The following PROM1 variants were observed in gnomAD, a reference collection of about 807,000 sequenced individuals.
PROM1 encodes prominin 1.
Under a neutral mutation model 116.9 loss-of-function variants are expected in PROM1, and 105 were observed. The observed-to-expected ratio is 0.90, with a 90% CI of 0.77 to 1.06. The LOEUF is 1.06. Ranked by LOEUF, PROM1 falls within the 50% of genes least tolerant of loss-of-function variation. The probability of loss-of-function intolerance (pLI) is 0.00; values close to 1 mark genes in which losing one functional copy is unlikely to be tolerated. For missense variants in PROM1, 1,122 were observed against 1,045.2 expected, an observed-to-expected ratio of 1.07 and a Z score of -1.01; for synonymous variants, 393 against 387.0, an observed-to-expected ratio of 1.02 and a Z score of -0.18.
intron 14 of PROM1, among the ~76,000 whole-genome samples, chr4:15,999,344 A>T (rs1006687770): frequency 6.6e-6 from 1 of 151,810 alleles, no homozygotes; most frequent in Non-Finnish European, 1.5e-5. Flanking sequence ...GGTGGCGGGC[A>T]CCTGTAGTTC....
rs148987914 is a variant in PROM1, at chr4:16,037,038, C to T, written c.277-1277G>A. Among the ~76,000 whole-genome samples the T allele has an allele frequency of 1.9e-3, 283 of 152,194 alleles. 2 individuals are homozygous for T. In the South Asian group the frequency reaches 0.019, roughly 10 times the overall value. ...GGTTATGGGAGTGCCAAATCTAATA[C>T]CAAGTCAAGCACAAAGACCCTGCCA... On this transcript the variant is annotated intron_variant, in intron 3 of 27. Transcript: ENST00000447510.
At chr4:15,990,819 C>A (rs1400251515) in intron 18 of PROM1, among the ~76,000 whole-genome samples, 1 of 152,234 alleles carries the variant, frequency 6.6e-6, no homozygotes, top group Non-Finnish European at 1.5e-5. Context: ...CATTTTCTAG[C>A]TATTTCTGAA....
intron 13 of PROM1, chr4:16,003,436 C>T (rs1016068899): frequency 1.3e-5 from 6 of 456,340 alleles, no homozygotes; most frequent in African/African-American, 1.2e-4. Context: ...AACTGCTTTC[C>T]ATAACCTCAG....
intron 2 of PROM1, among the ~76,000 whole-genome samples, chr4:16,053,786 G>A (rs1219021528): frequency 6.6e-6 from 1 of 152,200 alleles, no homozygotes; most frequent in Non-Finnish European, 1.5e-5. Flanking sequence ...AGTAGGTGTG[G>A]AATTTTTCAT....
rs1469107265 is a variant in PROM1 at position 16,012,136 on chromosome 4, A to G, written c.1141+1139T>C. On this transcript the variant is annotated intron_variant, in intron 11 of 27. Coordinates refer to ENST00000447510, the MANE Select transcript of PROM1 (RefSeq NM_006017.3). Reference sequence around the variant, plus strand: ...CTCAGCCTCCCGAGTAGCTGGGGTTACAGGGATGCACAACCATGCCTGGCT... The same window carrying G: ...CTCAGCCTCCCGAGTAGCTGGGGTTGCAGGGATGCACAACCATGCCTGGCT... Among the ~76,000 whole-genome samples, 3 of 152,096 alleles carry G rather than the reference A, an allele frequency of 2.0e-5. No individual in the cohort carries two copies. The East Asian group carries it at 5.8e-4, about 29-fold the overall frequency.
At chr4:16,062,155 T>A (rs564156487) in intron 2 of PROM1, among the ~76,000 whole-genome samples, 14 of 152,030 alleles carry the variant, frequency 9.2e-5, no homozygotes, top group Non-Finnish European at 1.5e-4. Context: ...CACCCCAAAG[T>A]GCTGGGATTA....
intron 4 of PROM1, among the ~76,000 whole-genome samples, chr4:16,034,773 T>C (rs1733595945): frequency 6.6e-6 from 1 of 152,220 alleles, no homozygotes; most frequent in African/African-American, 2.4e-5. Context: ...AACACGAGTC[T>C]TGTTCCTGGG....
chr4:16,047,581 A>T (rs953481087), intron 2 of PROM1, among the ~76,000 whole-genome samples: 9 of 152,170 alleles, frequency 5.9e-5, no homozygotes, highest in African/African-American at 2.2e-4. Context: ...GTTTTGTTAC[A>T]ATTAGTTTCG....
intron 2 of PROM1, among the ~76,000 whole-genome samples, chr4:16,044,144 A>G (rs576586818): frequency 8.2e-4 from 125 of 152,348 alleles, no homozygotes; most frequent in Non-Finnish European, 1.4e-3. Flanking sequence ...TGCCTTGTGC[A>G]GGACCCATAT....
At chr4:15,971,447 T>C (rs1714529194) in intron 26 of PROM1, 1 of 182,770 alleles carries the variant, frequency 5.5e-6, no homozygotes. Flanking sequence ...AAAGTCCACT[T>C]CTAGGACAGA....
chr4:15,997,208 T>C (rs1029780513), intron 15 of PROM1, among the ~76,000 whole-genome samples: 2 of 150,318 alleles, frequency 1.3e-5, no homozygotes, highest in Non-Finnish European at 2.9e-5. Flanking sequence ...AAGAAATGCA[T>C]TTCAATGAAA....
At chr4:16,009,986 C>T (rs566363997) in intron 11 of PROM1, among the ~76,000 whole-genome samples, 5 of 150,054 alleles carry the variant, frequency 3.3e-5, no homozygotes, top group Admixed American at 1.3e-4. Context: ...ATTCTCAAGG[C>T]CCATTTAAAA....
At chr4:16,065,728 T>C (rs1359952546) in intron 2 of PROM1, among the ~76,000 whole-genome samples, 1 of 152,210 alleles carries the variant, frequency 6.6e-6, no homozygotes, top group Non-Finnish European at 1.5e-5. Flanking sequence ...GGTGCATTGC[T>C]TAATATCTCT....
intron 2 of PROM1, among the ~76,000 whole-genome samples, chr4:16,066,507 T>C (rs1741568267): frequency 6.6e-6 from 1 of 152,186 alleles, no homozygotes; most frequent in South Asian, 2.1e-4. Context: ...AGAGTTGGGA[T>C]TCAAATCTAG....
At chr4:16,039,065 G>A in intron 2 of PROM1, 64 bp from the exon 3 acceptor site, 1 of 1,319,240 alleles carries the variant, frequency 7.6e-7, no homozygotes, top group Non-Finnish European at 1.0e-6. Context: ...TGCATATTTA[G>A]AAAAAGATCT....
chr4:15,992,608 A>T (rs1186333064), intron 16 of PROM1, among the ~76,000 whole-genome samples: 3 of 152,170 alleles, frequency 2.0e-5, no homozygotes, highest in African/African-American at 7.2e-5. Context: ...AATTTTAAAC[A>T]TAAATTTAAA....
intron 10 of PROM1, among the ~76,000 whole-genome samples, chr4:16,015,542 C>T (rs1728147795): frequency 6.6e-6 from 1 of 150,896 alleles, no homozygotes; most frequent in Non-Finnish European, 1.5e-5. Context: ...ATACAAAACT[C>T]AGCCAGGCAT....
At chr4:16,054,506 A>T (rs1304299320) in intron 2 of PROM1, among the ~76,000 whole-genome samples, 1 of 152,190 alleles carries the variant, frequency 6.6e-6, no homozygotes, top group Non-Finnish European at 1.5e-5. Flanking sequence ...ATATATGGTC[A>T]CCATAAATCA....
intron 10 of PROM1, among the ~76,000 whole-genome samples, chr4:16,014,710 C>A (rs1279663348): frequency 6.6e-6 from 1 of 152,196 alleles, no homozygotes; most frequent in Non-Finnish European, 1.5e-5. Flanking sequence ...AGACTTTTTA[C>A]ATCCATCCTA....
Sources: allele counts gnomAD v4.1 joint callset (sites outside exome capture counted in the v4.1 genomes callset), GRCh38; gene constraint gnomAD v4.1.1; transcripts MANE v1.5; gene names NCBI Gene and HGNC (gene_info 2026-07-23, HGNC 2026-07-21).